Variants in TRPM8 observed in about 807,000 individuals in gnomAD.
The protein encoded by TRPM8 is TRPM8 cationic channel.
Under a neutral mutation model 133.7 loss-of-function variants are expected in TRPM8, and 110 were observed. The observed-to-expected ratio is 0.82, with a 90% CI of 0.70 to 0.96. The LOEUF (loss-of-function observed/expected upper bound fraction) is 0.96, where lower values mean the gene tolerates loss of function less well. TRPM8 is among the 40% of genes least tolerant of loss of function. The pLI is 0.00. For synonymous variants in TRPM8, 535 were observed against 532.3 expected (o/e 1.01, Z -0.07); for missense variants, 1,291 against 1,379.5 (o/e 0.94, Z 1.02).
chr2:233,971,870 C>CT (rs397958716), intron 17 of TRPM8, among the ~76,000 whole-genome samples: 3 of 125,420 alleles, frequency 2.4e-5, no homozygotes, highest in South Asian at 3.4e-4. Context: ...ACTGCTGGCT[C>CT]GCGCAGCCTG....
At chr2:233,961,735 T>C (rs1005859085) in intron 12 of TRPM8, among the ~76,000 whole-genome samples, 2 of 151,614 alleles carry the variant, frequency 1.3e-5, no homozygotes, top group Non-Finnish European at 2.9e-5. Context: ...ATTCAAGCGA[T>C]TCTTCTGCCT....
intron 19 of TRPM8, 67 bp from the exon 20 acceptor site, chr2:233,982,986 C>T (rs371152707): frequency 6.4e-7 from 1 of 1,552,474 alleles, no homozygotes. Context: ...CTGAGGACGG[C>T]CGGGCCGGGG....
At chr2:233,929,818 A>G (rs1215880917) in intron 2 of TRPM8, 1 of 152,170 alleles carries the variant, frequency 6.6e-6, no homozygotes, top group Non-Finnish European at 1.5e-5. Context: ...CTCCCCTTCG[A>G]CTATGCTGGG....
At chr2:233,930,520 A>G (rs1691659119) in intron 2 of TRPM8, 148 bp from the exon 3 acceptor site, 1 of 543,792 alleles carries the variant, frequency 1.8e-6, no homozygotes, top group African/African-American at 1.9e-5. Flanking sequence ...TGTATACTCT[A>G]AAGGCATGAA....
chr2:233,955,947 G>A (rs1157754888), intron 11 of TRPM8, among the ~76,000 whole-genome samples: 1 of 152,198 alleles, frequency 6.6e-6, no homozygotes, highest in East Asian at 1.9e-4. Flanking sequence ...GTGCATGTGA[G>A]GGATCTAGGT....
chr2:233,935,227 C>T (rs932792123), intron 3 of TRPM8, among the ~76,000 whole-genome samples: 1 of 152,198 alleles, frequency 6.6e-6, no homozygotes, highest in African/African-American at 2.4e-5. Context: ...CAGCTGGAAG[C>T]AAATGCTAAC....
At chr2:233,925,369 A>C (rs1005265079) in intron 1 of TRPM8, among the ~76,000 whole-genome samples, 2 of 152,218 alleles carry the variant, frequency 1.3e-5, no homozygotes, top group African/African-American at 4.8e-5. Context: ...AGCTTGGTGC[A>C]GGTTGAAGGG....
At chr2:233,954,712 C>T (rs779903437) in intron 10 of TRPM8, among the ~76,000 whole-genome samples, 5 of 152,136 alleles carry the variant, frequency 3.3e-5, no homozygotes, top group African/African-American at 4.8e-5. Flanking sequence ...ATTATATCTG[C>T]ACAGATACAT....
chr2:233,966,796 G>A (rs185482766), intron 15 of TRPM8, 41 bp downstream of exon 15: 1 of 1,470,060 alleles, frequency 6.8e-7, no homozygotes, highest in African/African-American at 1.4e-5. Context: ...GCCAGAAATG[G>A]GGCTTTTATG....
At position 234,008,587 on chromosome 2, in the gene TRPM8, A is replaced by G. The variant is rs558095143; in HGVS notation, c.3264+484A>G. 8.5e-5 allele frequency among the ~76,000 whole-genome samples: 13 copies of G among 152,328 alleles called. No homozygotes were observed. In the East Asian group the frequency reaches 2.5e-3, roughly 29 times the overall value. On this transcript the variant is annotated intron_variant, in intron 24 of 25. Coordinates refer to ENST00000324695, the MANE Select transcript of TRPM8 (RefSeq NM_024080.5). The stretch of plus-strand genomic sequence containing the variant: ...TCTGAGCTGGGTAGCTGAAATTATA[A>G]TCAGGTTCAAATCACAATCGATTCG...
chr2:234,004,466 C>G (rs1345505168), intron 22 of TRPM8, among the ~76,000 whole-genome samples: 2 of 152,200 alleles, frequency 1.3e-5, no homozygotes, highest in African/African-American at 4.8e-5. Flanking sequence ...TCGTTTCCTA[C>G]ATGTATTTTG....
chr2:233,942,858 G>A, intron 6 of TRPM8, 110 bp downstream of exon 6: 1 of 1,347,058 alleles, frequency 7.4e-7, no homozygotes, highest in Non-Finnish European at 1.1e-6. Flanking sequence ...AGATCATGGG[G>A]AAGTCTGCCT....
At chr2:233,918,667 A>G (rs866981033) in intron 1 of TRPM8, among the ~76,000 whole-genome samples, 16 of 152,280 alleles carry the variant, frequency 1.1e-4, no homozygotes, top group Non-Finnish European at 1.8e-4. Flanking sequence ...AACTGAAAAA[A>G]ATTTGGCTGA....
At chr2:233,973,199 C>T (rs912585427) in intron 17 of TRPM8, among the ~76,000 whole-genome samples, 15 of 152,212 alleles carry the variant, frequency 9.9e-5, no homozygotes, top group African/African-American at 3.6e-4. Context: ...AGTCACAGCT[C>T]TGCCCAGGCC....
chr2:233,942,071 C>CTGTTTTTTTTTTTTTTTTTTT (rs1553656129), intron 5 of TRPM8, among the ~76,000 whole-genome samples: 1 of 111,704 alleles, frequency 9.0e-6, no homozygotes, highest in African/African-American at 3.9e-5. Flanking sequence ...GGTCAAGAAT[C>CTGTTTTTTTTTTTTTTTTTTT]TTTTTTTTTT....
At chr2:233,926,880 C>A (rs1574688135) in intron 2 of TRPM8, among the ~76,000 whole-genome samples, 1 of 152,158 alleles carries the variant, frequency 6.6e-6, no homozygotes, top group Non-Finnish European at 1.5e-5. Flanking sequence ...TGCATTTGTT[C>A]TTGTAATGGC....
chr2:233,923,596 T>G (rs1691454057), intron 1 of TRPM8, among the ~76,000 whole-genome samples: 1 of 152,224 alleles, frequency 6.6e-6, no homozygotes, highest in Non-Finnish European at 1.5e-5. Flanking sequence ...GCACATCCTC[T>G]GGTTTGACAT....
intron 18 of TRPM8, among the ~76,000 whole-genome samples, chr2:233,981,489 G>T (rs1043958646): frequency 6.6e-6 from 1 of 152,118 alleles, no homozygotes; most frequent in African/African-American, 2.4e-5. Flanking sequence ...GCACGGTTAG[G>T]TTCCTGCTGT....
rs377480500 is a variant in TRPM8 at position 233,966,239 on chromosome 2, G to T, written c.1880-371G>T. 5.3e-5 allele frequency: 10 copies of T among 190,060 alleles called. No individual in the cohort carries two copies. In the East Asian group the frequency reaches 5.3e-4, roughly 10 times the overall value. The allele number at this position is 190,060 out of a possible 1,614,324, so 11.8% of individuals were successfully genotyped here. Reference sequence around the variant, plus strand: ...ATGGAGGAAGGGCTGCTCTGATTACGGGGGGGTCGGGGGGCGGCGGTGGGG... The same window carrying T: ...ATGGAGGAAGGGCTGCTCTGATTACTGGGGGGTCGGGGGGCGGCGGTGGGG... On this transcript the variant is annotated intron_variant, in intron 14 of 25. Coordinates refer to ENST00000324695, the MANE Select transcript of TRPM8 (RefSeq NM_024080.5).
Sources: allele counts gnomAD v4.1 joint callset (sites outside exome capture counted in the v4.1 genomes callset), GRCh38; gene constraint gnomAD v4.1.1; transcripts MANE v1.5; gene names NCBI Gene and HGNC (gene_info 2026-07-23, HGNC 2026-07-21).